Variants in DLC1 observed in about 807,000 individuals in gnomAD.
DLC1 encodes the protein rho GTPase-activating protein 7.
DLC1 carries 54 observed loss-of-function variants against 140.3 expected under a neutral mutation model. The observed-to-expected ratio is 0.38, with a 90% CI of 0.31 to 0.48. The LOEUF (loss-of-function observed/expected upper bound fraction) is 0.48, where lower values mean the gene tolerates loss of function less well. Ranked by LOEUF, DLC1 falls within the 20% of genes least tolerant of loss-of-function variation. The pLI is 0.96. For missense variants in DLC1, 2,536 were observed against 1,907.0 expected (o/e 1.33, Z -6.14); for synonymous variants, 986 against 728.1 (o/e 1.35, Z -5.70).
intron 5 of DLC1, among the ~76,000 whole-genome samples, chr8:13,121,327 T>C (rs35488572): frequency 0.38 from 58,268 of 152,012 alleles, 13,879 homozygotes; most frequent in Middle Eastern, 0.53. Context: ...GGAAGGAAGA[T>C]ACTGCTTATC....
intron 2 of DLC1, among the ~76,000 whole-genome samples, chr8:13,426,862 A>G (rs1366878031): frequency 6.6e-6 from 1 of 152,126 alleles, no homozygotes; most frequent in Non-Finnish European, 1.5e-5. Context: ...TGCTGCAATC[A>G]TTAGAGCTTA....
intron 5 of DLC1, among the ~76,000 whole-genome samples, chr8:13,121,574 G>A (rs1278279787): frequency 2.0e-5 from 3 of 151,994 alleles, no homozygotes; most frequent in Non-Finnish European, 4.4e-5. Context: ...TTTGAGACAG[G>A]GTTTTACTCT....
At chr8:13,114,968 T>A (rs1820429937) in intron 6 of DLC1, among the ~76,000 whole-genome samples, 1 of 152,184 alleles carries the variant, frequency 6.6e-6, no homozygotes, top group Non-Finnish European at 1.5e-5. Context: ...GTAATTCTGT[T>A]CCTAGGGATA....
At chr8:13,581,205 G>A (rs1265336507) in intron 1 of DLC1, among the ~76,000 whole-genome samples, 2 of 152,164 alleles carry the variant, frequency 1.3e-5, no homozygotes, top group African/African-American at 4.8e-5. Context: ...GCTCATAATT[G>A]CTCTCAGCTA....
intron 4 of DLC1, chr8:13,353,478 G>A (rs548517082): frequency 4.0e-5 from 6 of 151,896 alleles, no homozygotes; most frequent in African/African-American, 1.2e-4. Context: ...TATAGAATAT[G>A]ATTAGTTCTG....
intron 2 of DLC1, among the ~76,000 whole-genome samples, chr8:13,402,503 T>C (rs1294491042): frequency 6.6e-6 from 1 of 152,214 alleles, no homozygotes; most frequent in African/African-American, 2.4e-5. Flanking sequence ...AAAAGCAACA[T>C]CTACAGAGAA....
intron 2 of DLC1, among the ~76,000 whole-genome samples, chr8:13,413,256 A>ACTTTTTTTTTTTTTTTTTTT (rs1491415150): frequency 2.4e-5 from 2 of 82,006 alleles, no homozygotes; most frequent in Admixed American, 1.4e-4. Context: ...TTTTTTTGCG[A>ACTTTTTTTTTTTTTTTTTTT]TTTTTTTTTT....
At chr8:13,238,206 T>C (rs1829380444) in intron 5 of DLC1, among the ~76,000 whole-genome samples, 1 of 152,120 alleles carries the variant, frequency 6.6e-6, no homozygotes, top group Non-Finnish European at 1.5e-5. Context: ...TTAAGGGAAA[T>C]TTAAAATATA....
intron 2 of DLC1, among the ~76,000 whole-genome samples, chr8:13,478,784 C>G (rs892496890): frequency 2.0e-5 from 3 of 152,150 alleles, no homozygotes; most frequent in African/African-American, 7.2e-5. Flanking sequence ...TCTTTGTTTT[C>G]TTTTATAGCA....
intron 4 of DLC1, among the ~76,000 whole-genome samples, chr8:13,327,598 T>G (rs1311502064): frequency 6.6e-6 from 1 of 152,030 alleles, no homozygotes; most frequent in Non-Finnish European, 1.5e-5. Context: ...GATTATAGGC[T>G]TAAGCCACTG....
intron 1 of DLC1, among the ~76,000 whole-genome samples, chr8:13,601,645 C>CAA (rs57181798): frequency 2.7e-4 from 38 of 140,966 alleles, no homozygotes; most frequent in African/African-American, 5.7e-4. Flanking sequence ...GGATAATAGA[C>CAA]AAAAAAAAAA....
chr8:13,329,350 T>TA (rs1833495531), intron 4 of DLC1, among the ~76,000 whole-genome samples: 1 of 151,216 alleles, frequency 6.6e-6, no homozygotes, highest in South Asian at 2.1e-4. Context: ...TTGGGATGCA[T>TA]AGAAGGGGGG....
chr8:13,099,185 G>A (rs1193807981), intron 9 of DLC1, among the ~76,000 whole-genome samples, 162 bp downstream of exon 9: 3 of 152,004 alleles, frequency 2.0e-5, no homozygotes, highest in Admixed American at 1.3e-4. Context: ...CAATCCTATC[G>A]ATTTCTTTGA....
At chr8:13,581,279 T>C (rs1563455575) in intron 1 of DLC1, among the ~76,000 whole-genome samples, 3 of 152,190 alleles carry the variant, frequency 2.0e-5, no homozygotes, top group Admixed American at 6.5e-5. Context: ...TAAACATACA[T>C]ATACAAATGA....
intron 3 of DLC1, among the ~76,000 whole-genome samples, chr8:13,396,260 C>T (rs951590627): frequency 6.6e-6 from 1 of 151,860 alleles, no homozygotes; most frequent in African/African-American, 2.4e-5. Context: ...GGGGTTTCAT[C>T]GTATTAGCCA....
At chr8:13,562,141 C>T (rs954964095) in intron 1 of DLC1, among the ~76,000 whole-genome samples, 2 of 151,726 alleles carry the variant, frequency 1.3e-5, no homozygotes, top group East Asian at 1.9e-4. Context: ...AAGAAGTAAT[C>T]GGGTCAATTT....
At chr8:13,182,396 G>C (rs765174252) in intron 5 of DLC1, among the ~76,000 whole-genome samples, 1 of 152,022 alleles carries the variant, frequency 6.6e-6, no homozygotes, top group East Asian at 1.9e-4. Flanking sequence ...ATCCTTGCCC[G>C]TGCCTATGTC....
chr8:13,330,392 C>T (rs1206481297), intron 4 of DLC1, among the ~76,000 whole-genome samples: 1 of 152,192 alleles, frequency 6.6e-6, no homozygotes, highest in Non-Finnish European at 1.5e-5. Flanking sequence ...TTTACATATT[C>T]AATGGAATCC....
chr8:13,499,508 A>T lies in DLC1; in HGVS notation c.564T>A (p.Ser188Arg). ...TTTCATTGCAAAGCTCCAGGCTTTT[A>T]CTTATAGAGTCAGTAACTTTTCTCT... ...SGERKVTDSI[S>R]KSLELCNEIS... Residue 188 changes from serine to arginine, a missense_variant, in exon 2 of 18, where the codon AGT (serine) becomes AGA (arginine). Coordinates refer to ENST00000276297, the MANE Select transcript of DLC1 (RefSeq NM_182643.3). 1 of 1,614,112 alleles carries T rather than the reference A, an allele frequency of 6.2e-7. No homozygotes were observed. Among genetic ancestry groups the T allele is most frequent in the Non-Finnish European group, 8.5e-7 (1 of 1,180,010 alleles).
Sources: allele counts gnomAD v4.1 joint callset (sites outside exome capture counted in the v4.1 genomes callset), GRCh38; gene constraint gnomAD v4.1.1; transcripts MANE v1.5; gene names NCBI Gene and HGNC (gene_info 2026-07-23, HGNC 2026-07-21).